The following TTLL2 variants were observed in gnomAD, a reference collection of about 807,000 sequenced individuals.
TTLL2 encodes the protein probable tubulin polyglutamylase TTLL2.
In TTLL2, 10 loss-of-function variants were observed where a neutral mutation model predicts 7.5. The ratio of observed to expected loss-of-function variants is 1.33; its 90% CI spans 0.82 to 2.25. The LOEUF (loss-of-function observed/expected upper bound fraction) is 2.25. TTLL2 is among the 30% of genes most tolerant of loss of function. The pLI is 0.00. For synonymous variants in TTLL2, 284 were observed against 280.3 expected, an observed-to-expected ratio of 1.01 and a Z score of -0.13; for missense variants, 733 against 735.7, an observed-to-expected ratio of 1.00 and a Z score of 0.04.
At chr6:167,325,831 G>T (rs1010373078) in intron 1 of TTLL2, among the ~76,000 whole-genome samples, 1 of 152,142 alleles carries the variant, frequency 6.6e-6, no homozygotes, top group Non-Finnish European at 1.5e-5. Context: ...GGAGAGGTGG[G>T]CTTCCATCAG....
intron 1 of TTLL2, chr6:167,328,390 G>T (rs1583107048): frequency 6.8e-6 from 2 of 293,420 alleles, no homozygotes; most frequent in East Asian, 1.5e-4. Context: ...TCAAGGTATG[G>T]AAAAAGGGGG....
chr6:167,336,170 G>A (rs73266964), intron 1 of TTLL2, among the ~76,000 whole-genome samples: 2,850 of 151,846 alleles, frequency 0.019, 82 homozygotes, highest in African/African-American at 0.066. Context: ...TCCAGTGTGG[G>A]GGCAGCTGAG....
At position 167,340,936 on chromosome 6, in the gene TTLL2, C is replaced by T. The variant is rs776147825; in HGVS notation, c.1036C>T (p.His346Tyr). Residue 346 changes from histidine (H) to tyrosine (Y), a missense_variant, in exon 3 of 3, where the codon CAC (histidine) becomes TAC (tyrosine). By Grantham distance (83) the His-to-Tyr change is moderately conservative. Transcript: ENST00000239587. ...CGATCTGCTTTTGTGGAAGAAAATC[C>T]ACCGCATGGTTATTCTCACCATTCT... ...VDDLLLWKKI[H>Y]RMVILTILAI... The T allele has an allele frequency of 4.3e-6, 7 of 1,614,082 alleles. No individual in the cohort carries two copies. The highest frequency in any genetic ancestry group is 3.3e-5 in the South Asian group (3 of 91,076).
rs1303467209 is a variant in TTLL2, at chr6:167,325,346, C to A, written c.47+126C>A. On this transcript the variant is annotated intron_variant, in intron 1 of 2. Transcript: ENST00000239587. ...GGAGCAGCGAGTGTGCACTGGGACCCCCGAGGGGCAATTTGTAGTCAGCCC... is the reference window on the plus strand; with the variant it reads ...GGAGCAGCGAGTGTGCACTGGGACCACCGAGGGGCAATTTGTAGTCAGCCC... The A allele has an allele frequency of 6.7e-6, 6 of 898,162 alleles. No individual in the cohort carries two copies. In the East Asian group the frequency reaches 1.8e-4, roughly 27 times the overall value. 55.6% of individuals were successfully genotyped at this position (898,162 alleles called of 1,614,324 possible). A position where few individuals can be genotyped will look rare whatever the true frequency, so the allele number is the denominator to read the frequency against.
intron 1 of TTLL2, among the ~76,000 whole-genome samples, chr6:167,335,640 C>A (rs1366948981): frequency 7.3e-5 from 11 of 151,298 alleles, no homozygotes. Context: ...ACTATGCAGC[C>A]ATAAAAAATG....
Position 167,341,971 on chromosome 6 carries a change from T to C in TTLL2, c.*292T>C. 3.2e-6 allele frequency: 1 copy of C among 315,890 alleles called. No individual in the cohort carries two copies. The highest frequency in any genetic ancestry group is 5.9e-5 in the East Asian group (1 of 16,832). 19.6% of individuals were successfully genotyped at this position (315,890 alleles called of 1,614,324 possible). On this transcript the variant is annotated 3_prime_UTR_variant, in exon 3 of 3. Transcript: ENST00000239587. ...GTAATTGAATGTGCTACACTACGAT[T>C]ATGCTATGTATGTATTTAAAGAGGA...
chr6:167,326,410 G>T (rs1040049612), intron 1 of TTLL2, among the ~76,000 whole-genome samples: 8 of 152,026 alleles, frequency 5.3e-5, no homozygotes, highest in Non-Finnish European at 1.2e-4. Flanking sequence ...GGGGTGAAAA[G>T]CATTCTACAT....
At chr6:167,325,371 C>T in intron 1 of TTLL2, 151 bp downstream of exon 1, 5 of 693,870 alleles carry the variant, frequency 7.2e-6, no homozygotes, top group Non-Finnish European at 2.3e-6. Flanking sequence ...GTAGTCAGCC[C>T]TTCATACTCC....
At position 167,341,116 on chromosome 6, in the gene TTLL2, A is replaced by C; in HGVS notation, c.1216A>C (p.Lys406Gln). Residue 406 changes from lysine to glutamine, a missense_variant, in exon 3 of 3, where the codon AAA becomes CAA. Coordinates refer to ENST00000239587, the MANE Select transcript of TTLL2 (RefSeq NM_031949.5). Reference protein sequence around the residue: ...DCSTDVLVKRKLVHDIIDLIY... With the variant: ...DCSTDVLVKRQLVHDIIDLIY... ...TTCAACAGATGTGTTGGTGAAGAGA[A>C]AACTTGTCCATGATATTATTGACCT... 1 of 1,613,968 alleles carries C rather than the reference A, an allele frequency of 6.2e-7. No homozygotes were observed. The highest frequency in any genetic ancestry group is 8.5e-7 in the Non-Finnish European group (1 of 1,179,998).
At chr6:167,332,173 G>C (rs1778927536) in intron 1 of TTLL2, among the ~76,000 whole-genome samples, 1 of 152,158 alleles carries the variant, frequency 6.6e-6, no homozygotes. Flanking sequence ...AATTCATGGA[G>C]AGAAAAAGGA....
chr6:167,337,958 T>G (rs1050935998), intron 1 of TTLL2, among the ~76,000 whole-genome samples: 2 of 146,430 alleles, frequency 1.4e-5, no homozygotes, highest in Non-Finnish European at 3.0e-5. Flanking sequence ...ACAACACACA[T>G]ACATACCACG....
chr6:167,338,538 C>T (rs1426052838), intron 1 of TTLL2, 109 bp from the exon 2 acceptor site: 3 of 1,422,638 alleles, frequency 2.1e-6, no homozygotes, highest in Non-Finnish European at 2.8e-6. Context: ...ACTAGGACAA[C>T]TGAATTTTAA....
intron 1 of TTLL2, among the ~76,000 whole-genome samples, chr6:167,337,654 G>A (rs1184920402): frequency 6.6e-6 from 1 of 152,126 alleles, no homozygotes; most frequent in African/African-American, 2.4e-5. Flanking sequence ...AGATTCAAGA[G>A]GGAGCTGTGA....
intron 1 of TTLL2, among the ~76,000 whole-genome samples, chr6:167,331,688 A>C (rs972767158): frequency 6.6e-5 from 10 of 152,160 alleles, no homozygotes; most frequent in African/African-American, 2.4e-4. Context: ...TAGGTAGACA[A>C]GATTGAAACC....
chr6:167,327,643 C>T (rs959046081), intron 1 of TTLL2, among the ~76,000 whole-genome samples: 1 of 152,098 alleles, frequency 6.6e-6, no homozygotes. Flanking sequence ...TACATATTTA[C>T]GGCTTGGCTA....
At chr6:167,333,949 C>G (rs1405018592) in intron 1 of TTLL2, among the ~76,000 whole-genome samples, 14 of 71,806 alleles carry the variant, frequency 1.9e-4, no homozygotes, top group East Asian at 1.3e-3. Flanking sequence ...TCCTTCAGTT[C>G]TGCTCTGATT....
At chr6:167,332,196 G>A (rs1053155176) in intron 1 of TTLL2, among the ~76,000 whole-genome samples, 1 of 152,178 alleles carries the variant, frequency 6.6e-6, no homozygotes, top group Non-Finnish European at 1.5e-5. Context: ...GTGAGGCACG[G>A]AAAATGGAAG....
At chr6:167,329,224 C>T (rs80161806) in intron 1 of TTLL2, among the ~76,000 whole-genome samples, 39 of 152,232 alleles carry the variant, frequency 2.6e-4, no homozygotes, top group Non-Finnish European at 5.6e-4. Context: ...CATGACGTTG[C>T]TGATATAATC....
At chr6:167,331,480 A>G (rs532611022) in intron 1 of TTLL2, among the ~76,000 whole-genome samples, 50 of 152,228 alleles carry the variant, frequency 3.3e-4, no homozygotes, top group African/African-American at 1.2e-3. Context: ...CTGTTTTTTT[A>G]GCTTTCACCT....
Sources: gnomAD v4.1 joint callset for allele counts (sites outside exome capture counted in the v4.1 genomes callset) on GRCh38, gnomAD v4.1.1 for gene constraint, MANE v1.5 for transcripts, NCBI Gene and HGNC (gene_info 2026-07-23, HGNC 2026-07-21) for gene names.